The following PLCB4 variants were observed in gnomAD, a reference collection of about 807,000 sequenced individuals.
The protein encoded by PLCB4 is 1-phosphatidylinositol 4,5-bisphosphate phosphodiesterase beta-4.
PLCB4 carries 77 observed loss-of-function variants against 178.8 expected under a neutral mutation model. The observed-to-expected ratio is 0.43, with a 90% CI of 0.36 to 0.52. The LOEUF (loss-of-function observed/expected upper bound fraction) is 0.52, where lower values mean the gene tolerates loss of function less well. Among genes scored for constraint, PLCB4 ranks in the 20% least tolerant of loss-of-function variants. The pLI is 0.00. For missense variants in PLCB4, 1,024 were observed against 1,453.4 expected, an observed-to-expected ratio of 0.70 and a Z score of 4.80; for synonymous variants, 496 against 490.8, an observed-to-expected ratio of 1.01 and a Z score of -0.14.
intron 3 of PLCB4, among the ~76,000 whole-genome samples, chr20:9,228,289 C>G (rs2093891099): frequency 6.6e-6 from 1 of 152,098 alleles, no homozygotes; most frequent in African/African-American, 2.4e-5. Flanking sequence ...GCATCAAAAT[C>G]AGGAAAAAAA....
At chr20:9,121,418 A>T (rs1002916199) in intron 2 of PLCB4, among the ~76,000 whole-genome samples, 2 of 151,970 alleles carry the variant, frequency 1.3e-5, no homozygotes, top group African/African-American at 2.4e-5. Context: ...CTAATTTCTC[A>T]CCATTTTCTG....
intron 3 of PLCB4, among the ~76,000 whole-genome samples, chr20:9,263,150 G>A (rs535694813): frequency 1.3e-5 from 2 of 152,236 alleles, no homozygotes; most frequent in Non-Finnish European, 2.9e-5. Flanking sequence ...CATGTGCTCA[G>A]CTTTGAGCAC....
At chr20:9,327,589 A>T (rs1188351271) in intron 4 of PLCB4, among the ~76,000 whole-genome samples, 1 of 151,832 alleles carries the variant, frequency 6.6e-6, no homozygotes, top group African/African-American at 2.4e-5. Flanking sequence ...ATCCTGGCTA[A>T]CACAGACAAA....
At chr20:9,453,280 T>C (rs192181896) in intron 32 of PLCB4, 67 bp from the exon 33 acceptor site, 8 of 891,532 alleles carry the variant, frequency 9.0e-6, no homozygotes, top group East Asian at 7.3e-5. Context: ...GTGAAAGTTA[T>C]GCCAGCCCTA....
intron 3 of PLCB4, among the ~76,000 whole-genome samples, chr20:9,245,171 G>A (rs1339873506): frequency 3.9e-5 from 6 of 152,136 alleles, no homozygotes; most frequent in African/African-American, 1.4e-4. Context: ...CTGGAAGTAG[G>A]CAAAGTCTCT....
chr20:9,409,254 A>T lies in PLCB4; in HGVS notation c.1999+73A>T, dbSNP rs111838095. 1.9e-3 allele frequency: 2,502 copies of T among 1,300,616 alleles called. 3 individuals carry two copies. Among genetic ancestry groups the T allele is most frequent in the Non-Finnish European group, 2.5e-3 (2,371 of 961,384 alleles). 80.6% of individuals were successfully genotyped at this position (1,300,616 alleles called of 1,614,324 possible). ...CAGGATGGTGCCAGCACTTCCCATC[A>T]GTTGGCTGTGGGCATTTTTTAAAGG... On this transcript the variant is annotated intron_variant, in intron 24 of 39. Coordinates refer to ENST00000378473, the MANE Select transcript of PLCB4 (RefSeq NM_001377142.1).
At position 9,443,983 on chromosome 20, in the gene PLCB4, A is replaced by G. The variant is rs763851584; in HGVS notation, c.2767A>G (p.Ile923Val). 1.9e-6 allele frequency: 3 copies of G among 1,575,562 alleles called. No individual in the cohort carries two copies. Among genetic ancestry groups the G allele is most frequent in the South Asian group, 2.3e-5 (2 of 87,312 alleles). ...LASGVEAKKG[I>V]ELIPQVRIED... is the part of the protein sequence containing the mutation. ...CTTAATTTTTTTTGTTTGTTTAGGT[A>G]TTGAACTTATCCCTCAAGTAAGGAT... is the stretch of plus-strand genomic sequence containing the variant. Residue 923 changes from isoleucine (I) to valine (V), a missense_variant and splice_region_variant, in exon 31 of 40, where the codon ATT (isoleucine) becomes GTT (valine). Physicochemically the swap from Ile to Val is conservative, Grantham distance 29. This residue lies in a region of PLCB4 where 227 missense variants were observed against 374.3 expected (regional missense o/e 0.61). Transcript: ENST00000378473.
chr20:9,335,061 G>C (rs2032255211), intron 4 of PLCB4, among the ~76,000 whole-genome samples: 1 of 152,234 alleles, frequency 6.6e-6, no homozygotes. Flanking sequence ...AAGAATGATA[G>C]TGGCTGATTC....
intron 9 of PLCB4, among the ~76,000 whole-genome samples, chr20:9,368,640 C>A (rs2035981314): frequency 6.6e-6 from 1 of 151,380 alleles, no homozygotes; most frequent in Non-Finnish European, 1.5e-5. Flanking sequence ...GCAGTTGCCC[C>A]ATCCTTCACT....
intron 14 of PLCB4, among the ~76,000 whole-genome samples, chr20:9,386,129 C>T (rs148712072): frequency 0.018 from 2,739 of 152,148 alleles, 83 homozygotes; most frequent in African/African-American, 0.06. Context: ...GGCGCACACC[C>T]GCAATCCCAG....
chr20:9,172,415 T>G (rs75181116), intron 2 of PLCB4, among the ~76,000 whole-genome samples: 9,519 of 152,276 alleles, frequency 0.063, 410 homozygotes, highest in Non-Finnish European at 0.096. Context: ...CTTTCCTCAC[T>G]GCTATAAGTC....
At chr20:9,279,254 G>A (rs1024849548) in intron 3 of PLCB4, among the ~76,000 whole-genome samples, 1 of 152,068 alleles carries the variant, frequency 6.6e-6, no homozygotes, top group Non-Finnish European at 1.5e-5. Context: ...CTTCCTATGT[G>A]CAAGGTATTA....
intron 25 of PLCB4, among the ~76,000 whole-genome samples, chr20:9,411,732 A>C (rs1053669455): frequency 6.6e-6 from 1 of 150,956 alleles, no homozygotes; most frequent in African/African-American, 2.5e-5. Context: ...AAAAAAAAAA[A>C]AACACAACTA....
rs112925706 is a variant in PLCB4, at chr20:9,113,141, G to A, written c.-79+16799G>A. 5.1e-3 allele frequency among the ~76,000 whole-genome samples: 773 copies of A among 152,256 alleles called. 2 individuals carry two copies. The highest frequency in any genetic ancestry group is 7.6e-3 in the Admixed American group (116 of 15,292). On this transcript the variant is annotated intron_variant, in intron 2 of 39. Coordinates refer to ENST00000378473, the MANE Select transcript of PLCB4 (RefSeq NM_001377142.1). ...CACAGCTTATACTTAGAAGAAAAAT[G>A]GACTCTTTAAAGTAAAGCTTGTTAA... is the stretch of plus-strand genomic sequence containing the variant.
At chr20:9,187,295 G>A (rs1284782336) in intron 2 of PLCB4, among the ~76,000 whole-genome samples, 1 of 152,002 alleles carries the variant, frequency 6.6e-6, no homozygotes, top group Admixed American at 6.6e-5. Context: ...TTAAAACACA[G>A]CCATGCCTCC....
At chr20:9,476,220 C>G (rs1207911480) in intron 38 of PLCB4, among the ~76,000 whole-genome samples, 1 of 152,182 alleles carries the variant, frequency 6.6e-6, no homozygotes, top group Non-Finnish European at 1.5e-5. Context: ...CACTTTATGT[C>G]CTTGCCTACT....
chr20:9,452,370 G>A (rs1415391487), intron 32 of PLCB4, among the ~76,000 whole-genome samples: 1 of 152,124 alleles, frequency 6.6e-6, no homozygotes, highest in Non-Finnish European at 1.5e-5. Context: ...ATAAGTGAAA[G>A]GAAATATGAC....
At chr20:9,299,111 G>A (rs538555714) in intron 3 of PLCB4, among the ~76,000 whole-genome samples, 11 of 152,068 alleles carry the variant, frequency 7.2e-5, no homozygotes, top group African/African-American at 2.4e-4. Flanking sequence ...GATGTGTGAA[G>A]GCTCCCATTG....
intron 7 of PLCB4, among the ~76,000 whole-genome samples, chr20:9,358,166 C>T (rs886507295): frequency 6.6e-6 from 1 of 152,162 alleles, no homozygotes; most frequent in Non-Finnish European, 1.5e-5. Flanking sequence ...TTCCTATTTC[C>T]CATCCTGAAG....
Sources: gnomAD v4.1 joint callset for allele counts (sites outside exome capture counted in the v4.1 genomes callset) on GRCh38, gnomAD v4.1.1 for gene constraint, gnomAD v4.1.1 regional missense constraint, MANE v1.5 for transcripts, NCBI Gene and HGNC (gene_info 2026-07-23, HGNC 2026-07-21) for gene names.